The following BCL2L1 variants were observed in gnomAD, a reference collection of about 807,000 sequenced individuals.
BCL2L1 encodes BCL2 like 1.
Under a neutral mutation model 18.7 loss-of-function variants are expected in BCL2L1, and 1 was observed. That is an observed-to-expected ratio of 0.05 (90% confidence interval 0.02 to 0.25). BCL2L1 has a LOEUF of 0.25. BCL2L1 is among the 10% of genes least tolerant of loss of function. BCL2L1 has a pLI of 1.00. For missense variants in BCL2L1, 207 were observed against 304.9 expected, an observed-to-expected ratio of 0.68 and a Z score of 2.39; for synonymous variants, 103 against 122.7, an observed-to-expected ratio of 0.84 and a Z score of 1.06.
chr20:31,697,892 G>GTTTTTTTTTTTTTTGTTTGTTTGTTTTTT (rs199575410), intron 2 of BCL2L1, among the ~76,000 whole-genome samples: 1 of 129,640 alleles, frequency 7.7e-6, no homozygotes, highest in African/African-American at 3.3e-5. Flanking sequence ...TGCTGTTGCT[G>GTTTTTTTTTTTTTTGTTTGTTTGTTTTTT]TTTTTTTTTT....
At chr20:31,695,168 A>C (rs1219490760) in intron 2 of BCL2L1, among the ~76,000 whole-genome samples, 2 of 151,876 alleles carry the variant, frequency 1.3e-5, no homozygotes, top group African/African-American at 4.8e-5. Flanking sequence ...CCACCCATCC[A>C]CCCTGGTATA....
At chr20:31,683,935 A>G (rs1013476840) in intron 2 of BCL2L1, among the ~76,000 whole-genome samples, 1 of 152,202 alleles carries the variant, frequency 6.6e-6, no homozygotes, top group Non-Finnish European at 1.5e-5. Context: ...TCTTCCTATA[A>G]AGAGTATCAT....
At chr20:31,688,194 A>G (rs1377669407) in intron 2 of BCL2L1, among the ~76,000 whole-genome samples, 3 of 152,156 alleles carry the variant, frequency 2.0e-5, no homozygotes, top group African/African-American at 7.2e-5. Context: ...TGTAAATCCC[A>G]GCAATTTGAT....
chr20:31,721,629 G>C (rs375420867), intron 2 of BCL2L1, 26 bp downstream of exon 2: 2 of 1,561,202 alleles, frequency 1.3e-6, no homozygotes, highest in Middle Eastern at 1.7e-4. Context: ...CAAAGAAAAG[G>C]GACACACAAG....
At chr20:31,674,939 A>ATG (rs2060735476) in intron 2 of BCL2L1, among the ~76,000 whole-genome samples, 1 of 151,620 alleles carries the variant, frequency 6.6e-6, no homozygotes, top group Non-Finnish European at 1.5e-5. Flanking sequence ...CAAACCCCAT[A>ATG]TTCTGAGCCA....
chr20:31,709,882 T>C (rs2061426914), intron 2 of BCL2L1, among the ~76,000 whole-genome samples: 1 of 149,108 alleles, frequency 6.7e-6, no homozygotes. Context: ...GACAAGGTTT[T>C]GTCATATTGG....
At chr20:31,712,105 C>T (rs558200598) in intron 2 of BCL2L1, among the ~76,000 whole-genome samples, 4 of 152,166 alleles carry the variant, frequency 2.6e-5, no homozygotes, top group Non-Finnish European at 4.4e-5. Flanking sequence ...AACTATAAGC[C>T]CTCCCAAATC....
intron 2 of BCL2L1, chr20:31,720,953 G>A (rs1040614918): frequency 1.0e-6 from 1 of 985,432 alleles, no homozygotes; most frequent in Non-Finnish European, 1.2e-6. Flanking sequence ...CTGGCTTAAT[G>A]TGTGACACAG....
intron 2 of BCL2L1, among the ~76,000 whole-genome samples, chr20:31,715,271 CAA>C (rs567772766): frequency 3.7e-4 from 34 of 92,864 alleles, no homozygotes; most frequent in Admixed American, 2.5e-4. Context: ...GACTCTGTCT[CAA>C]AAAAAAAAAA....
chr20:31,678,192 A>G (rs1229984459), intron 2 of BCL2L1, among the ~76,000 whole-genome samples: 2 of 152,194 alleles, frequency 1.3e-5, no homozygotes, highest in Middle Eastern at 3.2e-3. Flanking sequence ...TTTGACCCCA[A>G]GTGCTCCATA....
At chr20:31,697,469 G>A (rs958054102) in intron 2 of BCL2L1, among the ~76,000 whole-genome samples, 3 of 150,680 alleles carry the variant, frequency 2.0e-5, no homozygotes, top group Non-Finnish European at 4.4e-5. Context: ...ACGGAGTCTC[G>A]CTCTGTCACC....
At chr20:31,680,689 T>C (rs2060843547) in intron 2 of BCL2L1, among the ~76,000 whole-genome samples, 1 of 152,170 alleles carries the variant, frequency 6.6e-6, no homozygotes, top group South Asian at 2.1e-4. Context: ...AAATCTTCAT[T>C]AAGTGCCCAC....
intron 2 of BCL2L1, among the ~76,000 whole-genome samples, chr20:31,678,913 C>G (rs920072691): frequency 6.6e-6 from 1 of 152,178 alleles, no homozygotes; most frequent in African/African-American, 2.4e-5. Context: ...CCCCACTGTA[C>G]AGATGAATGC....
intron 2 of BCL2L1, among the ~76,000 whole-genome samples, chr20:31,685,185 G>A (rs1287033273): frequency 6.6e-6 from 1 of 152,074 alleles, no homozygotes; most frequent in African/African-American, 2.4e-5. Flanking sequence ...GGTGGATCAC[G>A]AAGTCAGGAG....
At chr20:31,699,247 G>C (rs1352506209) in intron 2 of BCL2L1, among the ~76,000 whole-genome samples, 1 of 152,258 alleles carries the variant, frequency 6.6e-6, no homozygotes, top group African/African-American at 2.4e-5. Flanking sequence ...CCTGCAGACA[G>C]GTGGAACACC....
At chr20:31,687,864 T>C (rs1159819060) in intron 2 of BCL2L1, among the ~76,000 whole-genome samples, 1 of 151,940 alleles carries the variant, frequency 6.6e-6, no homozygotes, top group African/African-American at 2.4e-5. Context: ...TAAGACCATA[T>C]GTTCTTCCTC....
intron 2 of BCL2L1, among the ~76,000 whole-genome samples, chr20:31,718,398 G>GT (rs2122838571): frequency 6.6e-6 from 1 of 152,326 alleles, no homozygotes; most frequent in East Asian, 1.9e-4. Context: ...GTTCATGCCT[G>GT]TAATCCCAGC....
At chr20:31,703,526 CTG>C (rs1351766795) in intron 2 of BCL2L1, among the ~76,000 whole-genome samples, 1 of 143,068 alleles carries the variant, frequency 7.0e-6, no homozygotes, top group African/African-American at 2.6e-5. Flanking sequence ...GAGTCTCACT[CTG>C]TTGCCCAGGC....
At chr20:31,706,283 C>G (rs973767497) in intron 2 of BCL2L1, among the ~76,000 whole-genome samples, 2 of 152,176 alleles carry the variant, frequency 1.3e-5, no homozygotes, top group Admixed American at 6.5e-5. Context: ...CTTCTACTTC[C>G]CATCTGAGTC....
Sources: allele counts gnomAD v4.1 joint callset (sites outside exome capture counted in the v4.1 genomes callset), GRCh38; gene constraint gnomAD v4.1.1; transcripts MANE v1.5; gene names NCBI Gene and HGNC (gene_info 2026-07-23, HGNC 2026-07-21).